Variants in MEP1A observed in about 807,000 individuals in gnomAD.
MEP1A encodes the protein N-benzoyl-L-tyrosyl-P-amino-benzoic acid hydrolase subunit alpha.
In MEP1A, 68 loss-of-function variants were observed where a neutral mutation model predicts 84.5. The ratio of observed to expected loss-of-function variants is 0.80; its 90% CI spans 0.66 to 0.98. The LOEUF is 0.98. Among genes scored for constraint, MEP1A ranks in the 50% least tolerant of loss-of-function variants. MEP1A has a pLI of 0.00. For missense variants in MEP1A, 887 were observed against 919.9 expected (o/e 0.96, Z 0.46); for synonymous variants, 337 against 336.8 (o/e 1.00, Z -0.01).
In MEP1A at chr6:46,839,431, CAT is replaced by C. The variant is rs1768290762; in HGVS notation, c.*296_*297del. 4.7e-6 allele frequency: 1 copy of C among 213,928 alleles called. No individual in the cohort carries two copies. The highest frequency in any genetic ancestry group is 9.2e-6 in the Non-Finnish European group (1 of 108,360). The allele number at this position is 213,928 out of a possible 1,614,324, so 13.3% of individuals were successfully genotyped here. On this transcript the variant is annotated 3_prime_UTR_variant, in exon 14 of 14. Transcript: ENST00000230588. ...ACTGTAAGCTCCATGAGGGCAGGCA[CAT>C]GTTGTTCTCATTGACCGTGCTGGCC...
chr6:46,838,470 A>G (rs2150759549), intron 13 of MEP1A, among the ~76,000 whole-genome samples: 1 of 152,340 alleles, frequency 6.6e-6, no homozygotes, highest in East Asian at 1.9e-4. Context: ...CAACCTCGTG[A>G]GATAGTGACA....
At position 46,809,527 on chromosome 6, in the gene MEP1A, C is replaced by A; in HGVS notation, c.370C>A (p.Gln124Lys). The change falls in exon 6 of 14, where the codon CAG becomes AAG. Residue 124 changes from glutamine to lysine, a missense_variant. Physicochemically the swap from Gln to Lys is moderately conservative, Grantham distance 53. Coordinates refer to ENST00000230588, the MANE Select transcript of MEP1A (RefSeq NM_005588.3). ...AGAGAGCTCATATATCATATTTCAA[C>A]AGTTTGATGGGTTGGTATGAAATTT... ...EGESSYIIFQ[Q>K]FDGCWSEVGD... The A allele has an allele frequency of 6.3e-7, 1 of 1,592,088 alleles. No individual in the cohort carries two copies. The highest frequency in any genetic ancestry group is 8.6e-7 in the Non-Finnish European group (1 of 1,163,942).
At chr6:46,830,407 A>G (rs1484369820) in intron 10 of MEP1A, among the ~76,000 whole-genome samples, 2 of 152,128 alleles carry the variant, frequency 1.3e-5, no homozygotes, top group African/African-American at 2.4e-5. Flanking sequence ...TTAACTTCCT[A>G]TAATCACTAA....
chr6:46,793,666 T>A lies in MEP1A; in HGVS notation c.95T>A (p.Val32Glu). The change falls in exon 3 of 14, where the codon GTA becomes GAA. Residue 32 changes from valine (V) to glutamate (E), a missense_variant and splice_region_variant. Val to Glu is a moderately radical substitution (Grantham distance 121, BLOSUM62 -2). Transcript: ENST00000230588. Reference protein sequence around the residue: ...VPIKYLPEENVHDADFGEQKD... With the variant: ...VPIKYLPEENEHDADFGEQKD... ...TAATTTTTTTTCTCACTTTTAACAG[T>A]ACATGATGCAGATTTTGGTGAACAG... is the stretch of plus-strand genomic sequence containing the variant. 1 of 1,609,814 alleles carries A rather than the reference T, an allele frequency of 6.2e-7. No homozygotes were observed. The highest frequency in any genetic ancestry group is 8.5e-7 in the Non-Finnish European group (1 of 1,176,702).
intron 5 of MEP1A, among the ~76,000 whole-genome samples, chr6:46,807,561 AAAGAAAGGAAGGAAGG>A (rs1767364470): frequency 4.5e-4 from 30 of 66,358 alleles, no homozygotes; most frequent in East Asian, 6.9e-4. Context: ...AGAAAGAAAG[AAAGAAAGGAAGGAAGG>A]AAGGAAGGAA....
intron 5 of MEP1A, among the ~76,000 whole-genome samples, chr6:46,800,516 T>C (rs1316187696): frequency 1.3e-5 from 2 of 152,150 alleles, no homozygotes; most frequent in African/African-American, 4.8e-5. Flanking sequence ...TGAGAGTGAT[T>C]TGAGACAAGT....
At chr6:46,811,688 G>A (rs1367522080) in intron 6 of MEP1A, among the ~76,000 whole-genome samples, 1 of 151,804 alleles carries the variant, frequency 6.6e-6, no homozygotes, top group Admixed American at 6.6e-5. Context: ...TACAGGGATG[G>A]TGGACTTTGC....
chr6:46,827,467 T>C (rs1387958167), intron 9 of MEP1A, among the ~76,000 whole-genome samples: 23 of 152,224 alleles, frequency 1.5e-4, no homozygotes, highest in Admixed American at 1.5e-3. Flanking sequence ...TGAAATCATC[T>C]TAACCCTATT....
chr6:46,797,549 A>G (rs1318092762), intron 3 of MEP1A, among the ~76,000 whole-genome samples: 4 of 152,200 alleles, frequency 2.6e-5, no homozygotes, highest in Non-Finnish European at 5.9e-5. Context: ...TGTGGGCAGC[A>G]CCTTGAGCTT....
At position 46,819,751 on chromosome 6, in the gene MEP1A, C is replaced by A. The variant is rs763151367; in HGVS notation, c.556+47C>A. 2.5e-6 allele frequency: 4 copies of A among 1,585,570 alleles called. No individual in the cohort carries two copies. In the African/African-American group the frequency reaches 4.0e-5, roughly 16 times the overall value. On this transcript the variant is annotated intron_variant, in intron 7 of 13. Transcript: ENST00000230588. ...TATCACATTTATCACTGGCTGAGAC[C>A]AATCCTGAGATGACCAAGCCAAATC...
chr6:46,794,113 C>G (rs919850326), intron 3 of MEP1A, among the ~76,000 whole-genome samples: 2 of 152,204 alleles, frequency 1.3e-5, no homozygotes, highest in Non-Finnish European at 2.9e-5. Flanking sequence ...ATCATATTCA[C>G]TAACAACTCC....
At position 46,839,009 on chromosome 6, in the gene MEP1A, CG is replaced by C; in HGVS notation, c.2119del (p.Glu707SerfsTer16). 6.2e-7 allele frequency: 1 copy of C among 1,613,500 alleles called. No homozygotes were observed. The highest frequency in any genetic ancestry group is 8.5e-7 in the Non-Finnish European group (1 of 1,179,576). On this transcript the variant is annotated frameshift_variant, in exon 14 of 14. Transcript: ENST00000230588. LOFTEE classifies it low-confidence loss of function (END_TRUNC). ...RCISGHAFFYTGERCQAVQVH... is the reference protein window; with the variant it reads ...RCISGHAFFYXGERCQAVQVH... ...ATCTCTGGACATGCTTTCTTCTACA[CG>C]GGGGAGCGCTGTCAGGCCGTGCAGG...
intron 11 of MEP1A, among the ~76,000 whole-genome samples, chr6:46,834,010 T>C (rs1224568822): frequency 1.3e-5 from 2 of 150,244 alleles, no homozygotes; most frequent in Admixed American, 1.3e-4. Flanking sequence ...GGAGTCTCCC[T>C]CTGTCGCCCA....
chr6:46,830,816 T>C (rs1175672204), intron 10 of MEP1A, among the ~76,000 whole-genome samples: 6 of 152,174 alleles, frequency 3.9e-5, no homozygotes, highest in Non-Finnish European at 8.8e-5. Flanking sequence ...GGGGTTCACT[T>C]TTCTGGTTGA....
At chr6:46,819,797 C>T (rs1459246162) in intron 7 of MEP1A, 93 bp downstream of exon 7, 1 of 1,327,952 alleles carries the variant, frequency 7.5e-7, no homozygotes, top group Non-Finnish European at 1.1e-6. Context: ...GGAGCTTCAG[C>T]CTCTCTAGTG....
chr6:46,823,171 C>T (rs1248153876), intron 7 of MEP1A, among the ~76,000 whole-genome samples: 1 of 152,234 alleles, frequency 6.6e-6, no homozygotes, highest in East Asian at 1.9e-4. Flanking sequence ...ATTGCTCAAA[C>T]ATGGTCTTGC....
At chr6:46,806,239 A>G (rs1272086343) in intron 5 of MEP1A, among the ~76,000 whole-genome samples, 3 of 152,014 alleles carry the variant, frequency 2.0e-5, no homozygotes, top group Non-Finnish European at 4.4e-5. Flanking sequence ...ATCAATAACA[A>G]TTTCCTGTTC....
chr6:46,829,607 T>C, intron 10 of MEP1A, 36 bp downstream of exon 10: 1 of 1,500,798 alleles, frequency 6.7e-7, no homozygotes. Context: ...ATGGATTGGG[T>C]TAAAATCCGG....
chr6:46,822,835 G>A (rs192098180), intron 7 of MEP1A, among the ~76,000 whole-genome samples: 256 of 152,212 alleles, frequency 1.7e-3, no homozygotes, highest in Middle Eastern at 3.4e-3. Context: ...GTGAACCACC[G>A]TGCCCAGCCT....
Sources: allele counts gnomAD v4.1 joint callset (sites outside exome capture counted in the v4.1 genomes callset), GRCh38; gene constraint gnomAD v4.1.1; transcripts MANE v1.5; gene names NCBI Gene and HGNC (gene_info 2026-07-23, HGNC 2026-07-21).